PRAG1: variants seen among roughly 807,000 people sequenced by gnomAD.
PRAG1 encodes inactive tyrosine-protein kinase PRAG1.
PRAG1 carries 110 observed loss-of-function variants against 95.6 expected under a neutral mutation model. That is an observed-to-expected ratio of 1.15 (90% CI 0.99 to 1.35). PRAG1 has a LOEUF of 1.35. Among genes scored for constraint, PRAG1 ranks in the 40% most tolerant of loss-of-function variants. PRAG1 has a pLI of 0.00. For synonymous variants in PRAG1, 1,052 were observed against 819.4 expected (o/e 1.28, Z -4.85); for missense variants, 2,554 against 1,864.7 (o/e 1.37, Z -6.81).
intron 3 of PRAG1, among the ~76,000 whole-genome samples, chr8:8,372,951 A>C (rs1800259540): frequency 6.6e-6 from 1 of 152,238 alleles, no homozygotes; most frequent in Non-Finnish European, 1.5e-5. Flanking sequence ...TGTATGAAGC[A>C]AGTCCTTTTT....
chr8:8,320,573 A>C (rs1004311726), intron 5 of PRAG1, among the ~76,000 whole-genome samples: 2 of 152,222 alleles, frequency 1.3e-5, no homozygotes, highest in Non-Finnish European at 2.9e-5. Context: ...CCCTCTCTCA[A>C]ATGAATATTA....
Position 8,381,560 on chromosome 8 carries a change from C to G in PRAG1, c.188G>C (p.Arg63Thr), listed in dbSNP as rs1290584801. Residue 63 changes from arginine to threonine, a missense_variant, in exon 2 of 6, where the codon AGG becomes ACG. Physicochemically the swap from Arg to Thr is moderately conservative, Grantham distance 71. Transcript: ENST00000615670. ...ATCTTCCAGGCGGCAGTTCTCAGGCCTGGGAGGCAGGCGCGGTGGAGGGGG... is the reference window on the plus strand; with the variant it reads ...ATCTTCCAGGCGGCAGTTCTCAGGCGTGGGAGGCAGGCGCGGTGGAGGGGG... ...SLPPPPRLPPRPENCRLEDEG... is the reference protein window; with the variant it reads ...SLPPPPRLPPTPENCRLEDEG... The G allele has an allele frequency of 6.2e-7, 1 of 1,614,090 alleles. No homozygotes were observed. Among genetic ancestry groups the G allele is most frequent in the African/African-American group, 1.3e-5 (1 of 74,942 alleles).
chr8:8,329,673 A>G (rs1798757401), intron 4 of PRAG1, among the ~76,000 whole-genome samples: 1 of 152,226 alleles, frequency 6.6e-6, no homozygotes, highest in Non-Finnish European at 1.5e-5. Flanking sequence ...AACAGTTAAT[A>G]ACCTTCTAGC....
chr8:8,338,881 T>C (rs1799075845), intron 4 of PRAG1, among the ~76,000 whole-genome samples: 1 of 152,200 alleles, frequency 6.6e-6, no homozygotes. Flanking sequence ...GTTTTAAATA[T>C]GACCCATCCA....
chr8:8,324,042 A>T (rs2945898), intron 5 of PRAG1, among the ~76,000 whole-genome samples: 32,739 of 152,148 alleles, frequency 0.22, 3,849 homozygotes, highest in East Asian at 0.33. Context: ...TGTGAGGATC[A>T]GATGAAATGA....
At chr8:8,385,907 G>A (rs1233487646) in intron 1 of PRAG1, among the ~76,000 whole-genome samples, 1 of 152,018 alleles carries the variant, frequency 6.6e-6, no homozygotes, top group African/African-American at 2.4e-5. Context: ...CCTGGTCCCA[G>A]CAGCCAGGCG....
intron 3 of PRAG1, among the ~76,000 whole-genome samples, chr8:8,345,697 A>T (rs1396339680): frequency 3.3e-5 from 5 of 152,208 alleles, no homozygotes; most frequent in Admixed American, 3.3e-4. Flanking sequence ...CAGGAGACTA[A>T]GGCAGGAGAA....
At chr8:8,365,226 A>T (rs1170788136) in intron 3 of PRAG1, among the ~76,000 whole-genome samples, 1 of 152,160 alleles carries the variant, frequency 6.6e-6, no homozygotes, top group Admixed American at 6.5e-5. Context: ...TTCCCAATTT[A>T]AATTATGTTA....
At chr8:8,369,823 C>G (rs1800132736) in intron 3 of PRAG1, among the ~76,000 whole-genome samples, 1 of 151,796 alleles carries the variant, frequency 6.6e-6, no homozygotes, top group South Asian at 2.1e-4. Flanking sequence ...CTTTGTGTTC[C>G]CTAAACAGAA....
intron 5 of PRAG1, 77 bp from the exon 6 acceptor site, chr8:8,319,379 T>G: frequency 1.6e-6 from 2 of 1,262,060 alleles, no homozygotes; most frequent in Non-Finnish European, 2.2e-6. Flanking sequence ...AACATTTGAG[T>G]ATCTACGTGC....
chr8:8,328,052 G>A lies in PRAG1; in HGVS notation c.2730C>T (p.Leu910=), dbSNP rs1268481197. 6.3e-7 allele frequency: 1 copy of A among 1,592,036 alleles called. No homozygotes were observed. The highest frequency in any genetic ancestry group is 1.3e-5 in the African/African-American group (1 of 74,448). The part of the protein sequence containing the change: ...GNRGGCGSPG[L]QCKGAPSASS... ...AGGCGGAGGGGGCCCCTTTGCACTG[G>A]AGGCCAGGGCTCCCGCAGCCGCCTC... is the stretch of plus-strand genomic sequence containing the variant. The change falls in exon 5 of 6, where the codon CTC becomes CTT. Residue 910 remains leucine (L), a synonymous_variant. Transcript: ENST00000615670.
At chr8:8,347,812 C>G (rs944195063) in intron 3 of PRAG1, among the ~76,000 whole-genome samples, 3 of 142,750 alleles carry the variant, frequency 2.1e-5, no homozygotes, top group African/African-American at 5.0e-5. Flanking sequence ...GAGATCAATT[C>G]ACATCTTTTT....
rs1003275179 is a variant in PRAG1, at chr8:8,327,637, C to T, written c.3072+73G>A. On this transcript the variant is annotated intron_variant, in intron 5 of 5. Transcript: ENST00000615670. ...ATGCCCAGACAGGTGAAATGACTTG[C>T]TCAGGCCACAGTTCTGCCCAAGCCA... 23 of 1,507,950 alleles carry T rather than the reference C, an allele frequency of 1.5e-5. No homozygotes were observed. The African/African-American group carries it at 2.8e-4, about 18-fold the overall frequency. 93.4% of individuals were successfully genotyped at this position (1,507,950 alleles called of 1,614,324 possible). A position where few individuals can be genotyped will look rare whatever the true frequency, so the allele number is the denominator to read the frequency against.
intron 3 of PRAG1, among the ~76,000 whole-genome samples, chr8:8,351,494 GTC>G (rs1799521582): frequency 6.6e-6 from 1 of 152,176 alleles, no homozygotes; most frequent in African/African-American, 2.4e-5. Flanking sequence ...CTACTTTGAT[GTC>G]TCTACTCTTA....
intron 5 of PRAG1, among the ~76,000 whole-genome samples, chr8:8,321,446 A>G (rs1337094789): frequency 6.6e-6 from 1 of 152,148 alleles, no homozygotes; most frequent in Admixed American, 6.5e-5. Context: ...AATTTGCAGC[A>G]ATGGTGGTGG....
At position 8,376,688 on chromosome 8, in the gene PRAG1, C is replaced by G; in HGVS notation, c.1721G>C (p.Ser574Thr). 2 of 1,611,798 alleles carry G rather than the reference C, an allele frequency of 1.2e-6. No homozygotes were observed. The highest frequency in any genetic ancestry group is 1.6e-4 in the Middle Eastern group (1 of 6,062). ...GCTGCTGCCGCCAGAGCTCCCATCA[C>G]TAAGGTCAGCCAGCGGTGACACTGG... ...GPPVSPLADL[S>T]DGSSGGSSIG... Residue 574 changes from serine (S) to threonine (T), a missense_variant, in exon 3 of 6, where the codon AGT (serine) becomes ACT (threonine). Physicochemically the swap from Ser to Thr is moderately conservative, Grantham distance 58. Coordinates refer to ENST00000615670, the MANE Select transcript of PRAG1 (RefSeq NM_001080826.3).
At chr8:8,322,432 G>T (rs1031221946) in intron 5 of PRAG1, among the ~76,000 whole-genome samples, 2 of 152,064 alleles carry the variant, frequency 1.3e-5, no homozygotes, top group African/African-American at 4.8e-5. Flanking sequence ...TCCAGCTTGG[G>T]CCATTTTAAA....
intron 1 of PRAG1, among the ~76,000 whole-genome samples, chr8:8,386,053 A>G (rs1230487495): frequency 6.6e-6 from 1 of 152,194 alleles, no homozygotes; most frequent in Non-Finnish European, 1.5e-5. Flanking sequence ...TGGAACTCGT[A>G]GGAAAGTTTC....
chr8:8,363,127 T>C (rs757473502), intron 3 of PRAG1, among the ~76,000 whole-genome samples: 24 of 149,724 alleles, frequency 1.6e-4, no homozygotes, highest in Non-Finnish European at 2.7e-4. Flanking sequence ...AATATACTTA[T>C]CCTTTTACAC....
Sources: gnomAD v4.1 joint callset for allele counts (sites outside exome capture counted in the v4.1 genomes callset) on GRCh38, gnomAD v4.1.1 for gene constraint, MANE v1.5 for transcripts, NCBI Gene and HGNC (gene_info 2026-07-23, HGNC 2026-07-21) for gene names.